DNHD1: variants seen among roughly 807,000 people sequenced by gnomAD.
DNHD1 encodes the protein dynein heavy chain domain-containing protein 1.
In DNHD1, 383 loss-of-function variants were observed where a neutral mutation model predicts 458.1. The ratio of observed to expected loss-of-function variants is 0.84; its 90% CI spans 0.77 to 0.91. DNHD1 has a LOEUF of 0.91. Ranked by LOEUF, DNHD1 falls within the 40% of genes least tolerant of loss-of-function variation. DNHD1 has a pLI of 0.00. For missense variants in DNHD1, 5,336 were observed against 5,866.1 expected (o/e 0.91, Z 2.95); for synonymous variants, 2,203 against 2,376.9 (o/e 0.93, Z 2.13).
rs114809425 is a variant in DNHD1, at chr11:6,556,918, T to G, written c.7623T>G (p.Pro2541=). 9 of 1,551,736 alleles carry G rather than the reference T, an allele frequency of 5.8e-6. No individual in the cohort carries two copies. The South Asian group carries it at 9.5e-5, about 16-fold the overall frequency. ...CCACCCTGCTGGAAAGACATGTGCC[T>G]ATCATTCAGGCTTGGCTTGAGCGTT... The part of the protein sequence containing the change: ...TQATLLERHV[P]IIQAWLERFP... Residue 2541 remains proline (P), a synonymous_variant, in exon 25 of 43, where the codon CCT becomes CCG. Coordinates refer to ENST00000254579, the MANE Select transcript of DNHD1 (RefSeq NM_144666.3).
chr11:6,548,470 C>CAAAG lies in DNHD1; in HGVS notation c.7098+70_7098+73dup. On this transcript the variant is annotated intron_variant, in intron 23 of 42. Coordinates refer to ENST00000254579, the MANE Select transcript of DNHD1 (RefSeq NM_144666.3). This position sits in a 1 kb window ranked among gnomAD's most constrained non-coding sequence, Gnocchi z 4.4. ...ACTTATTTTAGGGGTAATCCATGTT[C>CAAAG]AAAGATCAGCTGAGGCCCACTTGCT... 1 of 1,504,462 alleles carries CAAAG rather than the reference C, an allele frequency of 6.6e-7. No homozygotes were observed. The highest frequency in any genetic ancestry group is 9.0e-7 in the Non-Finnish European group (1 of 1,114,580). The allele number at this position is 1,504,462 out of a possible 1,614,324, so 93.2% of individuals were successfully genotyped here. A position where few individuals can be genotyped will look rare whatever the true frequency, so the allele number is the denominator to read the frequency against.
At chr11:6,535,908 T>TA (rs58778308) in intron 14 of DNHD1, among the ~76,000 whole-genome samples, 4,793 of 150,706 alleles carry the variant, frequency 0.032, 126 homozygotes, top group African/African-American at 0.072. Context: ...TTATTTGTTG[T>TA]AAAAAAAAAG....
At chr11:6,560,703 T>C (rs1853569529) in intron 28 of DNHD1, among the ~76,000 whole-genome samples, 1 of 152,148 alleles carries the variant, frequency 6.6e-6, no homozygotes, top group South Asian at 2.1e-4. Context: ...GTTCATTCAA[T>C]AGCCATAATA....
chr11:6,566,528 A>T, intron 34 of DNHD1, 59 bp from the exon 35 acceptor site: 1 of 1,590,422 alleles, frequency 6.3e-7, no homozygotes, highest in Non-Finnish European at 8.6e-7. Context: ...CTCCCTGTCT[A>T]CTCTACCCCC....
In DNHD1 at chr11:6,558,534, G is replaced by A. The variant is rs1437829991; in HGVS notation, c.9052G>A (p.Asp3018Asn). Reference sequence around the variant, plus strand: ...CCTTCACCTGTTCTTCCTGATTGGAGATAAACAGGCCCACAAGCAGCTGCC... The same window carrying A: ...CCTTCACCTGTTCTTCCTGATTGGAAATAAACAGGCCCACAAGCAGCTGCC... ...SHLHLFFLIG[D>N]KQAHKQLPST... Residue 3018 changes from aspartate (D) to asparagine (N), a missense_variant, in exon 26 of 43, where the codon GAT (aspartate) becomes AAT (asparagine). Coordinates refer to ENST00000254579, the MANE Select transcript of DNHD1 (RefSeq NM_144666.3). 3 of 1,551,714 alleles carry A rather than the reference G, an allele frequency of 1.9e-6. No individual in the cohort carries two copies. The highest frequency in any genetic ancestry group is 3.9e-5 in the Admixed American group (2 of 51,012).
chr11:6,564,161 C>T (rs1431966050), intron 31 of DNHD1, 37 bp downstream of exon 31: 1 of 1,537,404 alleles, frequency 6.5e-7, no homozygotes, highest in East Asian at 2.5e-5. Flanking sequence ...CCCCAAAGTT[C>T]CTTTTATGCC....
rs377745969 is a variant in DNHD1 at position 6,528,741 on chromosome 11, A to G, written c.2057A>G (p.Asn686Ser). The G allele has an allele frequency of 2.7e-4, 413 of 1,551,746 alleles. No individual in the cohort carries two copies. Among genetic ancestry groups the G allele is most frequent in the Non-Finnish European group, 3.5e-4 (400 of 1,147,002 alleles). The change falls in exon 11 of 43, where the codon AAC (asparagine) becomes AGC (serine). Residue 686 changes from asparagine (N) to serine (S), a missense_variant. Around this residue, in one of 4 missense-constraint regions of DNHD1, gnomAD observed 3,932 missense variants for 4,365.6 expected, o/e 0.90. Transcript: ENST00000254579. The stretch of plus-strand genomic sequence containing the variant: ...CAGCTGGAGGAAGACCTGGACAACA[A>G]CCCTAAGATCCAGCAGGCACTGAAT... Reference protein sequence around the residue: ...YKQLEEDLDNNPKIQQALNIQ... With the variant: ...YKQLEEDLDNSPKIQQALNIQ...
intron 3 of DNHD1, 128 bp from the exon 4 acceptor site, chr11:6,502,625 A>G (rs1589864213): frequency 8.1e-6 from 6 of 743,702 alleles, no homozygotes; most frequent in Admixed American, 7.3e-5. Flanking sequence ...AGGCTCGACA[A>G]TGCCACGTCA....
chr11:6,519,136 T>G (rs1054183100), intron 7 of DNHD1, among the ~76,000 whole-genome samples: 3 of 152,164 alleles, frequency 2.0e-5, no homozygotes, highest in Non-Finnish European at 4.4e-5. Flanking sequence ...AAAGTCTATA[T>G]CAGTGCCCAG....
At chr11:6,528,202 C>T (rs1184374323) in intron 10 of DNHD1, among the ~76,000 whole-genome samples, 2 of 152,202 alleles carry the variant, frequency 1.3e-5, no homozygotes, top group Non-Finnish European at 2.9e-5. Context: ...AGATGCTCAA[C>T]CTTGAGTGGT....
intron 12 of DNHD1, among the ~76,000 whole-genome samples, chr11:6,532,526 G>A (rs892927158): frequency 2.0e-5 from 3 of 152,166 alleles, no homozygotes; most frequent in African/African-American, 7.2e-5. Flanking sequence ...ATACTTTTAT[G>A]TCTGCTAGGA....
Position 6,498,230 on chromosome 11 carries a change from G to T in DNHD1, c.15G>T (p.Glu5Asp). Residue 5 changes from glutamate to aspartate, a missense_variant, in exon 3 of 43, where the codon GAG becomes GAT. Around this residue, in one of 4 missense-constraint regions of DNHD1, gnomAD observed 3,932 missense variants for 4,365.6 expected, o/e 0.90. Transcript: ENST00000254579. The stretch of plus-strand genomic sequence containing the variant: ...CCCAGCTCCTCATGGTCCCGGAGGA[G>T]AGGAGGGTAGGTTTGTCTTCTGATG... MVPEERRVGLSSDET... is the reference protein window; with the variant it reads MVPEDRRVGLSSDET... 6.2e-7 allele frequency: 1 copy of T among 1,612,612 alleles called. No individual in the cohort carries two copies. The highest frequency in any genetic ancestry group is 8.5e-7 in the Non-Finnish European group (1 of 1,178,808).
At position 6,497,801 on chromosome 11, in the gene DNHD1, C is replaced by T. The variant is rs555691139; in HGVS notation, c.-415C>T. 1.5e-5 allele frequency: 3 copies of T among 197,972 alleles called. No homozygotes were observed. The highest frequency in any genetic ancestry group is 1.3e-4 in the East Asian group (1 of 7,592). The allele number at this position is 197,972 out of a possible 1,614,324, so 12.3% of individuals were successfully genotyped here. A position where few individuals can be genotyped will look rare whatever the true frequency, so the allele number is the denominator to read the frequency against. On this transcript the variant is annotated 5_prime_UTR_variant, in exon 3 of 43. Coordinates refer to ENST00000254579, the MANE Select transcript of DNHD1 (RefSeq NM_144666.3). Reference sequence around the variant, plus strand: ...CTTCAATGAAACCTCATCAGCAGATCGGGCTCTCTTCCCTTGCCTTGCCTC... The same window carrying T: ...CTTCAATGAAACCTCATCAGCAGATTGGGCTCTCTTCCCTTGCCTTGCCTC...
At position 6,566,969 on chromosome 11, in the gene DNHD1, G is replaced by A; in HGVS notation, c.11460G>A (p.Val3820=). ...QKPAKFLRNI[V]RAQGKLCQLR... ...CAGCCAAGTTTCTGCGGAACATAGT[G>A]AGGGCCCAAGGAAAGCTATGCCAGC... is the stretch of plus-strand genomic sequence containing the variant. The change falls in exon 36 of 43, where the codon GTG becomes GTA. Residue 3820 remains valine (V), a synonymous_variant. Coordinates refer to ENST00000254579, the MANE Select transcript of DNHD1 (RefSeq NM_144666.3). 6.2e-7 allele frequency: 1 copy of A among 1,614,010 alleles called. No homozygotes were observed. Among genetic ancestry groups the A allele is most frequent in the Non-Finnish European group, 8.5e-7 (1 of 1,179,892 alleles).
chr11:6,571,188 G>A lies in DNHD1; in HGVS notation c.13676G>A (p.Gly4559Glu). 1 of 1,604,796 alleles carries A rather than the reference G, an allele frequency of 6.2e-7. No individual in the cohort carries two copies. The highest frequency in any genetic ancestry group is 8.5e-7 in the Non-Finnish European group (1 of 1,174,892). Reference sequence around the variant, plus strand: ...TGGCTGCGACAGTTGTCGCGCCGTGGGCAACTGTTGGTTCGTTACTTGGGC... The same window carrying A: ...TGGCTGCGACAGTTGTCGCGCCGTGAGCAACTGTTGGTTCGTTACTTGGGC... ...WHWLRQLSRR[G>E]QLLVRYLGVG... is the part of the protein sequence containing the mutation. Residue 4559 changes from glycine to glutamate, a missense_variant, in exon 42 of 43, where the codon GGG (glycine) becomes GAG (glutamate). Around this residue, in one of 4 missense-constraint regions of DNHD1, gnomAD observed 698 missense variants for 664.9 expected, o/e 1.05. Transcript: ENST00000254579. The surrounding 1 kb of genome is among the most constrained non-coding windows in gnomAD (Gnocchi z 5.0).
At chr11:6,559,461 A>G (rs1853540699) in intron 28 of DNHD1, among the ~76,000 whole-genome samples, 178 bp downstream of exon 28, 1 of 152,204 alleles carries the variant, frequency 6.6e-6, no homozygotes, top group East Asian at 1.9e-4. Flanking sequence ...AAAGTTTCCC[A>G]TGATACAGCT....
intron 10 of DNHD1, among the ~76,000 whole-genome samples, chr11:6,526,922 TC>T (rs1852721875): frequency 6.6e-6 from 1 of 152,208 alleles, no homozygotes; most frequent in Non-Finnish European, 1.5e-5. Flanking sequence ...GTTTTCTTAT[TC>T]TTAGGTCCAT....
chr11:6,541,600 T>G (rs1419500647), intron 18 of DNHD1, among the ~76,000 whole-genome samples: 1 of 152,184 alleles, frequency 6.6e-6, no homozygotes, highest in Non-Finnish European at 1.5e-5. Context: ...GAGGAGGGGA[T>G]GGAGCAGATG....
Position 6,571,833 on chromosome 11 carries a change from T to C in DNHD1, c.14109T>C (p.Thr4703=). The part of the protein sequence containing the change: ...TSDLPAPADL[T]VYSCPVYMGG... ...ACCTGCCAGCCCCAGCCGACCTGACTGTGTACTCGTGTCCTGTGTACATGG... is the reference window on the plus strand; with the variant it reads ...ACCTGCCAGCCCCAGCCGACCTGACCGTGTACTCGTGTCCTGTGTACATGG... The change falls in exon 43 of 43, where the codon ACT becomes ACC. Residue 4703 remains threonine, a synonymous_variant. Coordinates refer to ENST00000254579, the MANE Select transcript of DNHD1 (RefSeq NM_144666.3). This position sits in a 1 kb window ranked among gnomAD's most constrained non-coding sequence, Gnocchi z 5.0. The C allele has an allele frequency of 6.2e-7, 1 of 1,613,888 alleles. No individual in the cohort carries two copies. The highest frequency in any genetic ancestry group is 8.5e-7 in the Non-Finnish European group (1 of 1,179,776).
Sources: gnomAD v4.1 joint callset for allele counts (sites outside exome capture counted in the v4.1 genomes callset) on GRCh38, gnomAD v4.1.1 for gene constraint, gnomAD v4.1.1 regional missense constraint, Gnocchi (gnomAD v3.1) non-coding constraint, MANE v1.5 for transcripts, NCBI Gene and HGNC (gene_info 2026-07-23, HGNC 2026-07-21) for gene names.